The following AHCYL2 variants were observed in gnomAD, a reference collection of about 807,000 sequenced individuals.
AHCYL2 encodes S-adenosylhomocysteine hydrolase-like protein 2.
A neutral mutation model predicts 81.4 loss-of-function variants in AHCYL2; 28 were observed. The ratio of observed to expected loss-of-function variants is 0.34; its 90% CI spans 0.25 to 0.47. The LOEUF (loss-of-function observed/expected upper bound fraction) is 0.47, where lower values mean the gene tolerates loss of function less well. AHCYL2 is among the 20% of genes least tolerant of loss of function. The probability of loss-of-function intolerance (pLI) is 1.00; values close to 1 mark genes in which losing one functional copy is unlikely to be tolerated. For synonymous variants in AHCYL2, 272 were observed against 290.2 expected (o/e 0.94, Z 0.64); for missense variants, 551 against 785.1 (o/e 0.70, Z 3.56).
intron 11 of AHCYL2, among the ~76,000 whole-genome samples, chr7:129,412,297 C>CT (rs371565692): frequency 0.013 from 1,799 of 140,848 alleles, 12 homozygotes; most frequent in Non-Finnish European, 0.017. Flanking sequence ...AATTGCCAAA[C>CT]TTTTTTTTTT....
chr7:129,412,484 TTGCCCAGGCTG>T (rs999361108), intron 11 of AHCYL2, among the ~76,000 whole-genome samples: 2 of 151,702 alleles, frequency 1.3e-5, no homozygotes, highest in Non-Finnish European at 1.5e-5. Flanking sequence ...TTTCACCATG[TTGCCCAGGCTG>T]GTCTCAAACT....
Position 129,420,275 on chromosome 7 carries a change from G to C in AHCYL2, c.1462-2565G>C, listed in dbSNP as rs149189233. 1.1e-3 allele frequency among the ~76,000 whole-genome samples: 160 copies of C among 152,166 alleles called. 1 individual carries two copies. Among genetic ancestry groups the C allele is most frequent in the African/African-American group, 3.3e-3 (137 of 41,508 alleles). On this transcript the variant is annotated intron_variant, in intron 12 of 16. Coordinates refer to ENST00000325006, the MANE Select transcript of AHCYL2 (RefSeq NM_015328.4). ...TAGCTCCCAATCACCAAGATTGCTT[G>C]GCCTCTGGAAAATTAGGGGTGTGAA...
intron 1 of AHCYL2, among the ~76,000 whole-genome samples, chr7:129,245,825 T>A (rs974236994): frequency 2.0e-5 from 3 of 152,200 alleles, no homozygotes; most frequent in African/African-American, 7.2e-5. Flanking sequence ...CATACAAATA[T>A]CTGTTGAAGT....
intron 11 of AHCYL2, 22 bp downstream of exon 11, chr7:129,409,568 TG>T: frequency 1.3e-6 from 2 of 1,584,198 alleles, no homozygotes; most frequent in Non-Finnish European, 8.6e-7. Context: ...ACATTTTAAA[TG>T]GGGTGGCACT....
chr7:129,229,241 A>G (rs552921604), intron 1 of AHCYL2, among the ~76,000 whole-genome samples: 19 of 151,942 alleles, frequency 1.3e-4, no homozygotes, highest in South Asian at 1.0e-3. Context: ...CTAATTTTCT[A>G]TTTTCAGTAG....
At chr7:129,248,995 A>AT (rs1795154057) in intron 1 of AHCYL2, among the ~76,000 whole-genome samples, 3 of 124,482 alleles carry the variant, frequency 2.4e-5, no homozygotes, top group Non-Finnish European at 3.4e-5. Flanking sequence ...CTAACAATAA[A>AT]CTTTTTTTTT....
rs188782134 is a variant in AHCYL2 at position 129,328,664 on chromosome 7, T to G, written c.364-50974T>G. On this transcript the variant is annotated intron_variant, in intron 1 of 16. Transcript: ENST00000325006. ...TACCACCCAACTAATTTTTGTATTT[T>G]TAGTAGAGATAGGGTTTCACCATGT... is the stretch of plus-strand genomic sequence containing the variant. 1.8e-3 allele frequency among the ~76,000 whole-genome samples: 273 copies of G among 152,246 alleles called. 1 individual carries two copies. The highest frequency in any genetic ancestry group is 5.9e-3 in the African/African-American group (245 of 41,536).
chr7:129,384,594 A>C (rs1239462893), intron 2 of AHCYL2, among the ~76,000 whole-genome samples: 4 of 152,066 alleles, frequency 2.6e-5, no homozygotes, highest in Non-Finnish European at 1.5e-5. Flanking sequence ...TTCCTGTCCA[A>C]AGTGCTTGTT....
At chr7:129,336,277 A>G (rs985229953) in intron 1 of AHCYL2, among the ~76,000 whole-genome samples, 2 of 152,008 alleles carry the variant, frequency 1.3e-5, no homozygotes, top group African/African-American at 4.8e-5. Flanking sequence ...CATGTTGGCC[A>G]GGCTGGTCTC....
intron 1 of AHCYL2, among the ~76,000 whole-genome samples, chr7:129,240,155 C>T (rs1563162619): frequency 1.3e-5 from 2 of 151,806 alleles, no homozygotes; most frequent in Non-Finnish European, 2.9e-5. Flanking sequence ...GTGGAGGTTG[C>T]GGTGAGCCGA....
At chr7:129,409,596 G>C in intron 11 of AHCYL2, 50 bp downstream of exon 11, 1 of 1,454,882 alleles carries the variant, frequency 6.9e-7, no homozygotes, top group Non-Finnish European at 9.6e-7. Flanking sequence ...TGTTTTTATG[G>C]AGCAGGTGCA....
intron 1 of AHCYL2, among the ~76,000 whole-genome samples, chr7:129,229,164 T>C (rs1019809941): frequency 6.0e-5 from 9 of 150,950 alleles, no homozygotes; most frequent in African/African-American, 2.2e-4. Flanking sequence ...GCCTCCCGGG[T>C]TCAAGCGATT....
intron 1 of AHCYL2, among the ~76,000 whole-genome samples, chr7:129,337,366 A>G (rs1025432755): frequency 6.6e-6 from 1 of 151,938 alleles, no homozygotes; most frequent in South Asian, 2.1e-4. Flanking sequence ...AGAGGATTCC[A>G]TTGTATAGAT....
At chr7:129,410,213 T>A in intron 11 of AHCYL2, 1 of 1,613,228 alleles carries the variant, frequency 6.2e-7, no homozygotes, top group Non-Finnish European at 8.5e-7. Flanking sequence ...GCTCTTGGGA[T>A]CACTGCTAAG....
chr7:129,329,844 T>C (rs77638101), intron 1 of AHCYL2, among the ~76,000 whole-genome samples: 5,578 of 152,316 alleles, frequency 0.037, 134 homozygotes, highest in South Asian at 0.063. Flanking sequence ...GAATCTGTTA[T>C]AATGTTAATA....
At chr7:129,276,362 C>T (rs1164341586) in intron 1 of AHCYL2, among the ~76,000 whole-genome samples, 1 of 151,360 alleles carries the variant, frequency 6.6e-6, no homozygotes, top group African/African-American at 2.4e-5. Context: ...ATTTATTAGT[C>T]TTAGTATTTG....
chr7:129,389,569 C>T, intron 3 of AHCYL2, 65 bp from the exon 4 acceptor site: 1 of 1,344,032 alleles, frequency 7.4e-7, no homozygotes, highest in South Asian at 1.3e-5. Context: ...ACAAGTTTTT[C>T]TGTTTGTTCT....
chr7:129,357,989 A>G (rs1044592936), intron 1 of AHCYL2, among the ~76,000 whole-genome samples: 10 of 151,974 alleles, frequency 6.6e-5, no homozygotes, highest in South Asian at 2.1e-4. Context: ...ATCACTGTTG[A>G]TACCAGCACT....
At chr7:129,278,958 A>G (rs1387937045) in intron 1 of AHCYL2, among the ~76,000 whole-genome samples, 2 of 152,126 alleles carry the variant, frequency 1.3e-5, no homozygotes, top group African/African-American at 2.4e-5. Flanking sequence ...CATTATTTTT[A>G]TAGCTATAGT....
Sources: gnomAD v4.1 joint callset for allele counts (sites outside exome capture counted in the v4.1 genomes callset) on GRCh38, gnomAD v4.1.1 for gene constraint, MANE v1.5 for transcripts, NCBI Gene and HGNC (gene_info 2026-07-23, HGNC 2026-07-21) for gene names.